Variants in BRD10 observed in about 807,000 individuals in gnomAD.
BRD10 encodes uncharacterized bromodomain-containing protein 10.
chr9:5,922,140 C>G, the BRD10 span: 8 of 1,614,000 alleles, frequency 5.0e-6, no homozygotes, highest in Non-Finnish European at 6.8e-6. Flanking sequence ...GTGTTCCCAC[C>G]TCGTGTCCTA....
the BRD10 span, among the ~76,000 whole-genome samples, chr9:5,966,174 G>A: frequency 6.6e-6 from 1 of 151,996 alleles, no homozygotes; most frequent in African/African-American, 2.4e-5. Context: ...CCTCAACTAA[G>A]GCTTAGAGTA....
the BRD10 span, among the ~76,000 whole-genome samples, chr9:5,879,331 T>G: frequency 6.6e-6 from 1 of 151,284 alleles, no homozygotes; most frequent in Admixed American, 6.6e-5. Context: ...GGTGTGATGG[T>G]GCACTCCAGC....
At chr9:5,940,760 C>T in the BRD10 span, among the ~76,000 whole-genome samples, 1 of 151,976 alleles carries the variant, frequency 6.6e-6, no homozygotes, top group Admixed American at 6.5e-5. Flanking sequence ...AGCAAACAGG[C>T]GGTTGTGCTC....
At chr9:5,978,733 T>G in the BRD10 span, among the ~76,000 whole-genome samples, 1 of 152,114 alleles carries the variant, frequency 6.6e-6, no homozygotes, top group African/African-American at 2.4e-5. Flanking sequence ...CAAGAAAAAC[T>G]ACACGGTCAG....
chr9:5,941,915 G>C, the BRD10 span, among the ~76,000 whole-genome samples: 17 of 152,226 alleles, frequency 1.1e-4, no homozygotes, highest in East Asian at 1.9e-3. Flanking sequence ...TCCTGATGCA[G>C]CTAGGTGTTT....
the BRD10 span, among the ~76,000 whole-genome samples, chr9:5,997,493 A>C: frequency 1.3e-5 from 2 of 152,026 alleles, no homozygotes; most frequent in African/African-American, 4.8e-5. Context: ...AATAAATTCT[A>C]AAGTCACAGT....
the BRD10 span, chr9:5,920,763 T>C: frequency 6.2e-7 from 1 of 1,613,994 alleles, no homozygotes; most frequent in Non-Finnish European, 8.5e-7. Context: ...AAGGCAACCG[T>C]AACAGGAATT....
the BRD10 span, among the ~76,000 whole-genome samples, chr9:5,883,467 T>TTTC: frequency 3.2e-5 from 4 of 125,416 alleles, no homozygotes; most frequent in Non-Finnish European, 6.6e-5. Flanking sequence ...TTCTTCTTTT[T>TTTC]TTTTTTTTTT....
chr9:5,931,736 T>C, the BRD10 span, among the ~76,000 whole-genome samples: 39 of 152,186 alleles, frequency 2.6e-4, no homozygotes, highest in Non-Finnish European at 4.4e-4. Flanking sequence ...ACACAAATTA[T>C]AGAAAAGACT....
At chr9:6,007,931 G>T in the BRD10 span, 1 of 1,331,608 alleles carries the variant, frequency 7.5e-7, no homozygotes, top group Non-Finnish European at 9.5e-7. Flanking sequence ...CGCCGGCTCG[G>T]CTCGGTGCGC....
the BRD10 span, among the ~76,000 whole-genome samples, chr9:5,991,206 C>T: frequency 6.6e-6 from 1 of 151,574 alleles, no homozygotes; most frequent in South Asian, 2.1e-4. Flanking sequence ...ATATATCATG[C>T]ATGTACAGAC....
At chr9:6,007,568 C>G in the BRD10 span, 1 of 1,611,276 alleles carries the variant, frequency 6.2e-7, no homozygotes, top group Non-Finnish European at 8.5e-7. Context: ...TAGGTCAGCT[C>G]CTGCTCCTTG....
the BRD10 span, chr9:5,897,535 A>T: frequency 6.3e-7 from 1 of 1,598,628 alleles, no homozygotes; most frequent in Admixed American, 1.7e-5. Context: ...GACAAAGTGG[A>T]TTTGTCTATC....
the BRD10 span, among the ~76,000 whole-genome samples, chr9:6,003,207 A>G: frequency 6.6e-6 from 1 of 152,220 alleles, no homozygotes; most frequent in Non-Finnish European, 1.5e-5. Context: ...TAAAAATTTA[A>G]ATTTAGCTTT....
At chr9:5,988,123 C>G in the BRD10 span, among the ~76,000 whole-genome samples, 1 of 152,102 alleles carries the variant, frequency 6.6e-6, no homozygotes, top group Non-Finnish European at 1.5e-5. Context: ...ATCTAGAAAG[C>G]ACTCTGAAAT....
chr9:5,924,245 T>C, the BRD10 span, among the ~76,000 whole-genome samples: 1 of 152,044 alleles, frequency 6.6e-6, no homozygotes, highest in South Asian at 2.1e-4. Context: ...AGTCAATTAC[T>C]GGCTCCTGAA....
At chr9:5,918,102 G>T in the BRD10 span, among the ~76,000 whole-genome samples, 1 of 152,102 alleles carries the variant, frequency 6.6e-6, no homozygotes, top group Admixed American at 6.6e-5. Flanking sequence ...TTAACTGACA[G>T]AAAAACGGGG....
At chr9:5,927,894 T>C in the BRD10 span, among the ~76,000 whole-genome samples, 2 of 152,180 alleles carry the variant, frequency 1.3e-5, no homozygotes. Flanking sequence ...TGTCTTTAAA[T>C]ACAATCAAGA....
At chr9:6,008,254 C>T in the BRD10 span, 1 of 983,196 alleles carries the variant, frequency 1.0e-6, no homozygotes, top group African/African-American at 1.7e-5. Flanking sequence ...CCTCCTCTCC[C>T]TCACACCCCC....
Sources: gnomAD v4.1 joint callset for allele counts (sites outside exome capture counted in the v4.1 genomes callset) on GRCh38, gnomAD v4.1.1 for gene constraint, MANE v1.5 for transcripts, NCBI Gene and HGNC (gene_info 2026-07-23, HGNC 2026-07-21) for gene names.